CNTNAP2: variants seen among roughly 807,000 people sequenced by gnomAD.
CNTNAP2 encodes the protein contactin-associated protein-like 2.
CNTNAP2 carries 98 observed loss-of-function variants against 155.2 expected under a neutral mutation model. The ratio of observed to expected loss-of-function variants is 0.63; its 90% confidence interval spans 0.54 to 0.75. The LOEUF (loss-of-function observed/expected upper bound fraction) is 0.75, where lower values mean the gene tolerates loss of function less well. Ranked by LOEUF, CNTNAP2 falls within the 30% of genes least tolerant of loss-of-function variation. CNTNAP2 has a pLI of 0.00. For synonymous variants in CNTNAP2, 651 were observed against 631.2 expected, an observed-to-expected ratio of 1.03 and a Z score of -0.47; for missense variants, 1,727 against 1,688.1, an observed-to-expected ratio of 1.02 and a Z score of -0.40.
intron 1 of CNTNAP2, among the ~76,000 whole-genome samples, chr7:146,515,711 A>C (rs62483358): frequency 0.19 from 29,281 of 151,910 alleles, 3,707 homozygotes; most frequent in East Asian, 0.45. Context: ...CCTTGACCCC[A>C]ATGGGAATTT....
rs886625924 is a variant in CNTNAP2 at position 147,740,263 on chromosome 7, A to T, written c.2098+100957A>T. Among the ~76,000 whole-genome samples, 46 of 152,142 alleles carry T rather than the reference A, an allele frequency of 3.0e-4. 1 individual carries two copies. Among genetic ancestry groups the T allele is most frequent in the Admixed American group, 5.9e-4 (9 of 15,290 alleles). The stretch of plus-strand genomic sequence containing the variant: ...TAAGAGTGTGATATGTGCAGCAAGC[A>T]TTTAAATTTAGATATCAAATTGTTT... On this transcript the variant is annotated intron_variant, in intron 13 of 23. Transcript: ENST00000361727.
At chr7:147,271,638 T>C (rs1804756056) in intron 8 of CNTNAP2, among the ~76,000 whole-genome samples, 1 of 152,172 alleles carries the variant, frequency 6.6e-6, no homozygotes, top group Non-Finnish European at 1.5e-5. Flanking sequence ...ATGTCTGACA[T>C]GGTGGCAGGG....
At chr7:147,203,524 G>A (rs533792171) in intron 8 of CNTNAP2, among the ~76,000 whole-genome samples, 7 of 152,108 alleles carry the variant, frequency 4.6e-5, no homozygotes, top group Non-Finnish European at 8.8e-5. Context: ...GAGCCACCAC[G>A]CCCAGGCTCT....
intron 3 of CNTNAP2, among the ~76,000 whole-genome samples, chr7:147,034,337 G>C (rs1799104190): frequency 6.6e-6 from 1 of 152,126 alleles, no homozygotes; most frequent in Non-Finnish European, 1.5e-5. Flanking sequence ...CCTCTTCACA[G>C]GGCAAGTGAT....
At chr7:148,104,382 C>T (rs985208170) in intron 15 of CNTNAP2, among the ~76,000 whole-genome samples, 9 of 152,186 alleles carry the variant, frequency 5.9e-5, no homozygotes, top group Admixed American at 3.9e-4. Context: ...TGGCTTTTTT[C>T]CACATTTTAC....
At chr7:146,624,146 A>G (rs914604088) in intron 1 of CNTNAP2, among the ~76,000 whole-genome samples, 1 of 151,872 alleles carries the variant, frequency 6.6e-6, no homozygotes, top group Non-Finnish European at 1.5e-5. Context: ...AGAGTTCTTT[A>G]TTTAATTTGG....
In CNTNAP2 at chr7:147,632,835, A is replaced by G. The variant is rs987729687; in HGVS notation, c.1898-6271A>G. On this transcript the variant is annotated intron_variant, in intron 12 of 23. Coordinates refer to ENST00000361727, the MANE Select transcript of CNTNAP2 (RefSeq NM_014141.6). ...CAAAATGCTGATAGTGATATGGACAATGAAGTCTAGTCTGAGGTGGTCTCA... is the reference window on the plus strand; with the variant it reads ...CAAAATGCTGATAGTGATATGGACAGTGAAGTCTAGTCTGAGGTGGTCTCA... Among the ~76,000 whole-genome samples, 16 of 152,334 alleles carry G rather than the reference A, an allele frequency of 1.1e-4. No homozygotes were observed. In the South Asian group the frequency reaches 3.3e-3, roughly 32 times the overall value.
At chr7:146,885,913 G>T (rs1323615993) in intron 3 of CNTNAP2, among the ~76,000 whole-genome samples, 2 of 145,324 alleles carry the variant, frequency 1.4e-5, no homozygotes, top group Non-Finnish European at 3.0e-5. Flanking sequence ...CTTTAACTCT[G>T]AATATATGTA....
chr7:147,098,598 A>G (rs1162146621), intron 4 of CNTNAP2, among the ~76,000 whole-genome samples: 2 of 152,162 alleles, frequency 1.3e-5, no homozygotes, highest in South Asian at 2.1e-4. Context: ...TTGCAGGTCT[A>G]TGGACTAACT....
chr7:146,724,175 T>C (rs1385108113), intron 1 of CNTNAP2, among the ~76,000 whole-genome samples: 1 of 152,166 alleles, frequency 6.6e-6, no homozygotes, highest in Non-Finnish European at 1.5e-5. Flanking sequence ...TTATTGCCAA[T>C]TTGCTATCTC....
chr7:148,267,781 G>A (rs1008337489), intron 21 of CNTNAP2, among the ~76,000 whole-genome samples: 4 of 152,044 alleles, frequency 2.6e-5, no homozygotes, highest in Admixed American at 6.6e-5. Flanking sequence ...CAACCCAAGC[G>A]AAGGCAAATC....
intron 18 of CNTNAP2, among the ~76,000 whole-genome samples, chr7:148,173,319 G>A (rs553594016): frequency 6.6e-6 from 1 of 152,318 alleles, no homozygotes; most frequent in African/African-American, 2.4e-5. Context: ...TGAAATGCAT[G>A]TAAATCACTC....
At chr7:146,577,918 G>A (rs1798549687) in intron 1 of CNTNAP2, among the ~76,000 whole-genome samples, 1 of 152,056 alleles carries the variant, frequency 6.6e-6, no homozygotes, top group Non-Finnish European at 1.5e-5. Context: ...GGAGAGATAA[G>A]GACATGTGTA....
At chr7:146,606,556 G>A (rs1799051485) in intron 1 of CNTNAP2, among the ~76,000 whole-genome samples, 1 of 152,158 alleles carries the variant, frequency 6.6e-6, no homozygotes, top group Non-Finnish European at 1.5e-5. Flanking sequence ...CTAGCCATAA[G>A]TCTATAACAT....
chr7:147,485,849 T>C (rs892804723), intron 10 of CNTNAP2, 86 bp from the exon 11 acceptor site: 1 of 1,262,330 alleles, frequency 7.9e-7, no homozygotes, highest in Non-Finnish European at 1.2e-6. Flanking sequence ...ATTGAAATGA[T>C]ATATTGCCCA....
chr7:147,967,699 G>T (rs937296847), intron 14 of CNTNAP2, among the ~76,000 whole-genome samples: 1 of 152,096 alleles, frequency 6.6e-6, no homozygotes. Context: ...ACAAAGTCTT[G>T]TCCTCAAAGG....
At chr7:147,108,935 G>T (rs1209585385) in intron 5 of CNTNAP2, among the ~76,000 whole-genome samples, 2 of 152,132 alleles carry the variant, frequency 1.3e-5, no homozygotes, top group African/African-American at 2.4e-5. Flanking sequence ...CAAGAAGCAG[G>T]AAGGATGCCG....
intron 16 of CNTNAP2, among the ~76,000 whole-genome samples, chr7:148,132,383 ATTT>A (rs200853173): frequency 7.0e-6 from 1 of 142,058 alleles, no homozygotes; most frequent in Admixed American, 7.1e-5. Flanking sequence ...TAATTTTTTA[ATTT>A]TTTTTTTTTT....
At chr7:146,324,472 C>T (rs1801062620) in intron 1 of CNTNAP2, among the ~76,000 whole-genome samples, 1 of 152,020 alleles carries the variant, frequency 6.6e-6, no homozygotes, top group Non-Finnish European at 1.5e-5. Context: ...CCCTGTGTCT[C>T]CTGTTTAAAT....
Sources: gnomAD v4.1 joint callset for allele counts (sites outside exome capture counted in the v4.1 genomes callset) on GRCh38, gnomAD v4.1.1 for gene constraint, MANE v1.5 for transcripts, NCBI Gene and HGNC (gene_info 2026-07-23, HGNC 2026-07-21) for gene names.